The following GRIK1 variants were observed in gnomAD, a reference collection of about 807,000 sequenced individuals.
The protein encoded by GRIK1 is glutamate receptor ionotropic, kainate 1.
A neutral mutation model predicts 105.7 loss-of-function variants in GRIK1; 69 were observed. That is an observed-to-expected ratio of 0.65 (90% CI 0.54 to 0.80). The LOEUF (loss-of-function observed/expected upper bound fraction) is 0.80, where lower values mean the gene tolerates loss of function less well. Among genes scored for constraint, GRIK1 ranks in the 30% least tolerant of loss-of-function variants. The probability of loss-of-function intolerance (pLI) is 0.00; values close to 1 mark genes in which losing one functional copy is unlikely to be tolerated. For synonymous variants in GRIK1, 438 were observed against 431.3 expected, an observed-to-expected ratio of 1.02 and a Z score of -0.19; for missense variants, 1,109 against 1,167.3, an observed-to-expected ratio of 0.95 and a Z score of 0.73.
chr21:29,537,140 A>G lies in GRIK1; in HGVS notation c.*90T>C, dbSNP rs1280363780. On this transcript the variant is annotated 3_prime_UTR_variant, in exon 18 of 18. Transcript: ENST00000327783. ...TAATCAGAGTTATGGATATAGATAT[A>G]TGGAAACACATCACACACTCCTCAG... 1.1e-5 allele frequency: 9 copies of G among 815,446 alleles called. No individual in the cohort carries two copies. Among genetic ancestry groups the G allele is most frequent in the South Asian group, 2.3e-5 (1 of 44,210 alleles). 50.5% of individuals were successfully genotyped at this position (815,446 alleles called of 1,614,324 possible).
chr21:29,751,992 G>A (rs905802992), intron 1 of GRIK1, among the ~76,000 whole-genome samples: 22 of 152,186 alleles, frequency 1.4e-4, no homozygotes, highest in African/African-American at 5.3e-4. Flanking sequence ...GTTAGCATAT[G>A]TTGTCTCAGT....
intron 7 of GRIK1, 73 bp downstream of exon 7, chr21:29,642,753 G>T: frequency 7.5e-7 from 1 of 1,331,188 alleles, no homozygotes; most frequent in Non-Finnish European, 1.1e-6. Context: ...AACCCTGTGG[G>T]GAGGACCATA....
intron 15 of GRIK1, 50 bp from the exon 16 acceptor site, chr21:29,555,352 A>G (rs1231096288): frequency 6.6e-7 from 1 of 1,507,286 alleles, no homozygotes; most frequent in Non-Finnish European, 9.1e-7. Flanking sequence ...TGAAGAAGAC[A>G]TCCAGAAGTA....
At chr21:29,846,910 C>A (rs930008208) in intron 1 of GRIK1, among the ~76,000 whole-genome samples, 2 of 152,072 alleles carry the variant, frequency 1.3e-5, no homozygotes, top group Non-Finnish European at 2.9e-5. Flanking sequence ...TATGTGTATG[C>A]ATGTGTATTA....
intron 7 of GRIK1, among the ~76,000 whole-genome samples, chr21:29,620,222 C>G (rs2061954627): frequency 6.6e-6 from 1 of 152,174 alleles, no homozygotes; most frequent in African/African-American, 2.4e-5. Flanking sequence ...AATTGGCCAG[C>G]AGGTAAAAGC....
chr21:29,708,151 A>G (rs2063962385), intron 1 of GRIK1, among the ~76,000 whole-genome samples: 2 of 152,216 alleles, frequency 1.3e-5, no homozygotes, highest in South Asian at 4.1e-4. Context: ...CCTCCCTCAG[A>G]ATCTGTATGA....
chr21:29,575,358 A>G (rs2090865010), intron 14 of GRIK1, among the ~76,000 whole-genome samples: 1 of 152,094 alleles, frequency 6.6e-6, no homozygotes, highest in Non-Finnish European at 1.5e-5. Flanking sequence ...AAATTACTTA[A>G]TTGGTACAAC....
rs544350287 is a variant in GRIK1 at position 29,735,290 on chromosome 21, C to T, written c.119-41227G>A. Among the ~76,000 whole-genome samples the T allele has an allele frequency of 4.6e-5, 7 of 152,324 alleles. No individual in the cohort carries two copies. The South Asian group carries it at 1.2e-3, about 27-fold the overall frequency. ...TGTTCACTTTAGGTGAATTCCATCA[C>T]TGTTTCTCTCAGCATGAGGGTGGTT... On this transcript the variant is annotated intron_variant, in intron 1 of 17. Coordinates refer to ENST00000327783, the MANE Select transcript of GRIK1 (RefSeq NM_001330994.2).
At chr21:29,834,745 C>A (rs1427635781) in intron 1 of GRIK1, among the ~76,000 whole-genome samples, 1 of 150,598 alleles carries the variant, frequency 6.6e-6, no homozygotes, top group African/African-American at 2.4e-5. Flanking sequence ...ACATTTCTGG[C>A]ATTAGTATTA....
At chr21:29,688,323 G>C (rs1382648023) in intron 3 of GRIK1, among the ~76,000 whole-genome samples, 2 of 152,178 alleles carry the variant, frequency 1.3e-5, no homozygotes, top group Admixed American at 1.3e-4. Flanking sequence ...AATGGAACCA[G>C]AGTTTAACAT....
chr21:29,895,924 A>G (rs1033073923), intron 1 of GRIK1, among the ~76,000 whole-genome samples: 2 of 152,152 alleles, frequency 1.3e-5, no homozygotes, highest in Non-Finnish European at 1.5e-5. Context: ...TAGCACTTTC[A>G]TCTCCTCTCC....
At chr21:29,738,806 T>C (rs1270878191) in intron 1 of GRIK1, among the ~76,000 whole-genome samples, 1 of 152,336 alleles carries the variant, frequency 6.6e-6, no homozygotes, top group African/African-American at 2.4e-5. Flanking sequence ...TTGCTTCTTT[T>C]AGAAACAAAA....
intron 1 of GRIK1, among the ~76,000 whole-genome samples, chr21:29,826,671 A>G (rs1164609159): frequency 2.0e-5 from 3 of 152,054 alleles, no homozygotes; most frequent in Non-Finnish European, 2.9e-5. Flanking sequence ...GTGTGAATAC[A>G]TATGTATATG....
chr21:29,732,153 G>A (rs893519404), intron 1 of GRIK1, among the ~76,000 whole-genome samples: 4 of 152,132 alleles, frequency 2.6e-5, no homozygotes, highest in Non-Finnish European at 5.9e-5. Flanking sequence ...ACCTAAAGTA[G>A]GGTAATAAAG....
chr21:29,841,471 G>A (rs1177403265), intron 1 of GRIK1, among the ~76,000 whole-genome samples: 2 of 152,136 alleles, frequency 1.3e-5, no homozygotes, highest in Non-Finnish European at 2.9e-5. Context: ...AAGAAGTTAA[G>A]TAGTTATTCT....
chr21:29,876,567 T>A (rs113953730), intron 1 of GRIK1, among the ~76,000 whole-genome samples: 100 of 152,334 alleles, frequency 6.6e-4, no homozygotes, highest in African/African-American at 1.9e-3. Flanking sequence ...TCTATACATG[T>A]TGCTGCTATT....
chr21:29,807,881 C>T (rs576935307), intron 1 of GRIK1, among the ~76,000 whole-genome samples: 2 of 152,104 alleles, frequency 1.3e-5, no homozygotes, highest in Non-Finnish European at 2.9e-5. Context: ...CTGTGGAAGT[C>T]AGCTTTCCTC....
Position 29,861,556 on chromosome 21 carries a change from C to G in GRIK1, c.118+77827G>C, listed in dbSNP as rs112247879. 164 of 251,462 alleles carry G rather than the reference C, an allele frequency of 6.5e-4. 1 individual carries two copies. Among genetic ancestry groups the G allele is most frequent in the Middle Eastern group, 2.6e-3 (3 of 1,164 alleles). The allele number at this position is 251,462 out of a possible 1,614,324, so 15.6% of individuals were successfully genotyped here. A position where few individuals can be genotyped will look rare whatever the true frequency, so the allele number is the denominator to read the frequency against. ...CTCCCGGACTCAAGCGATCTGCCCT[C>G]TTCGGCCTCCCAAAGTGTGGGATTA... On this transcript the variant is annotated intron_variant, in intron 1 of 17. Transcript: ENST00000327783.
At chr21:29,809,258 C>G (rs1202721985) in intron 1 of GRIK1, among the ~76,000 whole-genome samples, 1 of 152,134 alleles carries the variant, frequency 6.6e-6, no homozygotes, top group Non-Finnish European at 1.5e-5. Context: ...GTTCAGACCA[C>G]TGCAATAAAG....
Sources: gnomAD v4.1 joint callset for allele counts (sites outside exome capture counted in the v4.1 genomes callset) on GRCh38, gnomAD v4.1.1 for gene constraint, MANE v1.5 for transcripts, NCBI Gene and HGNC (gene_info 2026-07-23, HGNC 2026-07-21) for gene names.